Variants in OLA1 observed in about 807,000 individuals in gnomAD.
OLA1 encodes the protein Obg like ATPase 1.
OLA1 carries 14 observed loss-of-function variants against 48.4 expected under a neutral mutation model. That is an observed-to-expected ratio of 0.29 (90% CI 0.19 to 0.45). The LOEUF (loss-of-function observed/expected upper bound fraction) is 0.45, where lower values mean the gene tolerates loss of function less well. Ranked by LOEUF, OLA1 falls within the 20% of genes least tolerant of loss-of-function variation. The pLI, the probability that OLA1 is intolerant of heterozygous loss-of-function variation, is 1.00. For missense variants in OLA1, 325 were observed against 467.1 expected, an observed-to-expected ratio of 0.70 and a Z score of 2.80; for synonymous variants, 127 against 150.4, an observed-to-expected ratio of 0.84 and a Z score of 1.14.
chr2:174,116,692 T>C (rs997286198), intron 7 of OLA1, among the ~76,000 whole-genome samples: 20 of 152,140 alleles, frequency 1.3e-4, no homozygotes, highest in Admixed American at 1.3e-3. Context: ...AACCTAGATA[T>C]TTGCATGGGT....
chr2:174,107,401 T>G (rs1390774701), intron 7 of OLA1, among the ~76,000 whole-genome samples: 2 of 152,162 alleles, frequency 1.3e-5, no homozygotes, highest in Non-Finnish European at 2.9e-5. Context: ...TTTCCCACAG[T>G]GGGACTTACA....
chr2:174,145,410 T>C (rs1686569914), intron 4 of OLA1, among the ~76,000 whole-genome samples: 1 of 152,140 alleles, frequency 6.6e-6, no homozygotes, highest in Admixed American at 6.5e-5. Context: ...TATTTCAACT[T>C]CACATGAACT....
chr2:174,134,914 C>G (rs951128861), intron 5 of OLA1, among the ~76,000 whole-genome samples: 3 of 152,114 alleles, frequency 2.0e-5, no homozygotes, highest in African/African-American at 7.2e-5. Context: ...GTAATCCCAG[C>G]CCTTTGGGAG....
chr2:174,224,661 G>T (rs924256370), intron 3 of OLA1, among the ~76,000 whole-genome samples: 1 of 152,148 alleles, frequency 6.6e-6, no homozygotes, highest in African/African-American at 2.4e-5. Context: ...ACTGGAGGGG[G>T]TGTAGGAGGC....
intron 4 of OLA1, among the ~76,000 whole-genome samples, chr2:174,174,738 TC>T (rs1308178177): frequency 6.6e-6 from 1 of 151,942 alleles, no homozygotes; most frequent in Non-Finnish European, 1.5e-5. Flanking sequence ...AAGTCAAAAA[TC>T]AATGAAATTC....
intron 7 of OLA1, among the ~76,000 whole-genome samples, chr2:174,082,384 T>C (rs936096344): frequency 6.6e-6 from 1 of 152,184 alleles, no homozygotes; most frequent in Admixed American, 6.6e-5. Flanking sequence ...TTCCATTTTA[T>C]AATTTTTTGT....
intron 4 of OLA1, among the ~76,000 whole-genome samples, chr2:174,146,513 A>G (rs1686604145): frequency 6.6e-6 from 1 of 152,162 alleles, no homozygotes; most frequent in South Asian, 2.1e-4. Context: ...AAGATCATGA[A>G]TGAAGATATA....
intron 4 of OLA1, among the ~76,000 whole-genome samples, chr2:174,218,179 A>T (rs1428575993): frequency 6.7e-6 from 1 of 150,320 alleles, no homozygotes; most frequent in Non-Finnish European, 1.5e-5. Context: ...CTGGCTTTGA[A>T]TTTTTTTTTT....
chr2:174,193,779 C>A (rs538653216), intron 4 of OLA1, among the ~76,000 whole-genome samples: 1 of 152,192 alleles, frequency 6.6e-6, no homozygotes, highest in African/African-American at 2.4e-5. Context: ...TTTTCCTCTC[C>A]TGTCTCTAAC....
chr2:174,152,188 C>T (rs1686762744), intron 4 of OLA1, among the ~76,000 whole-genome samples: 1 of 152,154 alleles, frequency 6.6e-6, no homozygotes, highest in African/African-American at 2.4e-5. Flanking sequence ...GGGCAGATCA[C>T]CTAAGGTCAG....
intron 4 of OLA1, among the ~76,000 whole-genome samples, chr2:174,151,796 C>T (rs962418889): frequency 2.0e-5 from 3 of 152,298 alleles, no homozygotes; most frequent in African/African-American, 7.2e-5. Context: ...ATACAAACTC[C>T]TATTTATTTT....
chr2:174,146,742 T>G (rs1489396906), intron 4 of OLA1, among the ~76,000 whole-genome samples: 1 of 152,210 alleles, frequency 6.6e-6, no homozygotes, highest in East Asian at 1.9e-4. Context: ...AGATACTATT[T>G]AGAGATAAAG....
chr2:174,125,215 T>C (rs1290900486), intron 5 of OLA1, among the ~76,000 whole-genome samples: 1 of 152,248 alleles, frequency 6.6e-6, no homozygotes, highest in Non-Finnish European at 1.5e-5. Context: ...ACAAGTAATG[T>C]AGACCATTTT....
chr2:174,222,681 C>T (rs750113626), intron 4 of OLA1, among the ~76,000 whole-genome samples: 28 of 152,132 alleles, frequency 1.8e-4, no homozygotes, highest in Non-Finnish European at 3.7e-4. Context: ...AATTCTGCCT[C>T]CTTAACACAC....
At chr2:174,080,729 T>G (rs574356446) in intron 9 of OLA1, among the ~76,000 whole-genome samples, 13 of 152,098 alleles carry the variant, frequency 8.5e-5, no homozygotes, top group African/African-American at 2.4e-4. Flanking sequence ...ATATTGCTTT[T>G]ATTGCTGAAA....
rs964758080 is a variant in OLA1 at position 174,075,252 on chromosome 2, A to T, written c.*174T>A. 3.1e-5 allele frequency: 13 copies of T among 416,596 alleles called. No individual in the cohort carries two copies. In the African/African-American group the frequency reaches 3.8e-4, roughly 12 times the overall value. 25.8% of individuals were successfully genotyped at this position (416,596 alleles called of 1,614,324 possible). A position where few individuals can be genotyped will look rare whatever the true frequency, so the allele number is the denominator to read the frequency against. ...TTCACATTTAGTGAACCTGCATTTC[A>T]TGGGGGGGGGGGGGTACACAGTATT... On this transcript the variant is annotated 3_prime_UTR_variant, in exon 11 of 11. Transcript: ENST00000284719.
chr2:174,119,446 C>T (rs1037111995), intron 7 of OLA1, among the ~76,000 whole-genome samples: 5 of 151,954 alleles, frequency 3.3e-5, no homozygotes, highest in South Asian at 2.1e-4. Context: ...TATTTATATG[C>T]ATATATGTGT....
chr2:174,226,806 T>C (rs763932954), intron 3 of OLA1, among the ~76,000 whole-genome samples: 19 of 152,116 alleles, frequency 1.2e-4, no homozygotes, highest in Non-Finnish European at 2.4e-4. Context: ...GCCTTATTAA[T>C]GTTCTTCAAT....
intron 4 of OLA1, among the ~76,000 whole-genome samples, chr2:174,150,560 A>G (rs1230530486): frequency 6.6e-6 from 1 of 152,270 alleles, no homozygotes; most frequent in Non-Finnish European, 1.5e-5. Flanking sequence ...TATCTGACTT[A>G]TGCTTTTTCC....
Sources: gnomAD v4.1 joint callset for allele counts (sites outside exome capture counted in the v4.1 genomes callset) on GRCh38, gnomAD v4.1.1 for gene constraint, MANE v1.5 for transcripts, NCBI Gene and HGNC (gene_info 2026-07-23, HGNC 2026-07-21) for gene names.